The following CERS3 variants were observed in gnomAD, a reference collection of about 807,000 sequenced individuals.
CERS3 encodes the protein ceramide synthase 3.
Under a neutral mutation model 50.3 loss-of-function variants are expected in CERS3, and 33 were observed. The observed-to-expected ratio is 0.66, with a 90% CI of 0.50 to 0.88. The LOEUF (loss-of-function observed/expected upper bound fraction) is 0.88. Ranked by LOEUF, CERS3 falls within the 40% of genes least tolerant of loss-of-function variation. The pLI is 0.00. For missense variants in CERS3, 470 were observed against 460.3 expected (o/e 1.02, Z -0.19); for synonymous variants, 176 against 155.2 (o/e 1.13, Z -0.99).
chr15:100,502,736 C>A (rs1596774424), intron 2 of CERS3, among the ~76,000 whole-genome samples: 1 of 152,168 alleles, frequency 6.6e-6, no homozygotes, highest in East Asian at 1.9e-4. Flanking sequence ...AGGCTTCCTG[C>A]CTTGAGGACA....
intron 2 of CERS3, among the ~76,000 whole-genome samples, chr15:100,509,312 A>T (rs920859807): frequency 3.3e-5 from 5 of 152,250 alleles, no homozygotes; most frequent in African/African-American, 7.2e-5. Context: ...ATTAAAAAAT[A>T]TGACAGTCTA....
At chr15:100,466,815 C>CTTT (rs1195559063) in intron 10 of CERS3, among the ~76,000 whole-genome samples, 1 of 44,026 alleles carries the variant, frequency 2.3e-5, no homozygotes, top group Non-Finnish European at 4.5e-5. Context: ...CTCCCTCCCT[C>CTTT]CCTCTCTCCC....
chr15:100,490,952 A>G, intron 3 of CERS3, 21 bp from the exon 4 acceptor site: 3 of 1,400,228 alleles, frequency 2.1e-6, no homozygotes, highest in Non-Finnish European at 3.0e-6. Flanking sequence ...ATGAAAAGAA[A>G]AAAAGTTCAA....
chr15:100,436,122 G>C (rs1453221725), intron 11 of CERS3, among the ~76,000 whole-genome samples: 2 of 152,118 alleles, frequency 1.3e-5, no homozygotes, highest in African/African-American at 2.4e-5. Context: ...CCATTACTGG[G>C]TATATACCCA....
Position 100,479,466 on chromosome 15 carries a change from A to G in CERS3, c.478T>C (p.Tyr160His). The G allele has an allele frequency of 6.2e-7, 1 of 1,603,402 alleles. No individual in the cohort carries two copies. Among genetic ancestry groups the G allele is most frequent in the African/African-American group, 1.3e-5 (1 of 74,096 alleles). Residue 160 changes from tyrosine (Y) to histidine (H), a missense_variant, in exon 7 of 12, where the codon TAT becomes CAT. Transcript: ENST00000679737. ...CCATTCCAAACCTCCCATAAGTCAT[A>G]TAGCCAAGGTTTCTGAAAGAAGAAA... ...IAFLYDKPWL[Y>H]DLWEVWNGYP...
chr15:100,515,789 G>T (rs1006210702), intron 2 of CERS3, among the ~76,000 whole-genome samples: 2 of 152,188 alleles, frequency 1.3e-5, no homozygotes, highest in African/African-American at 4.8e-5. Flanking sequence ...AATGTAAGCT[G>T]GTGGCTGGGT....
At chr15:100,538,104 A>G (rs529862380) in intron 1 of CERS3, among the ~76,000 whole-genome samples, 214 of 152,352 alleles carry the variant, frequency 1.4e-3, no homozygotes, top group African/African-American at 4.4e-3. Context: ...TCTCACATCC[A>G]GGTCACACTG....
In CERS3 at chr15:100,434,054, A is replaced by C. The variant is rs561345745; in HGVS notation, c.999+21839T>G. Among the ~76,000 whole-genome samples the C allele has an allele frequency of 1.8e-4, 27 of 152,342 alleles. No individual in the cohort carries two copies. The East Asian group carries it at 4.0e-3, about 23-fold the overall frequency. Reference sequence around the variant, plus strand: ...CAGGCCTCTGTGGAGAGCTATGAGGAGTGGATCTGGGTTTCCAACCCATCT... The same window carrying C: ...CAGGCCTCTGTGGAGAGCTATGAGGCGTGGATCTGGGTTTCCAACCCATCT... On this transcript the variant is annotated intron_variant, in intron 11 of 11. Transcript: ENST00000679737.
chr15:100,544,286 T>C (rs2037282046), intron 1 of CERS3: 1 of 151,752 alleles, frequency 6.6e-6, no homozygotes. Context: ...ACACGGGGGC[T>C]GCCGCGAGCG....
At chr15:100,534,352 G>C (rs1005678550) in intron 1 of CERS3, among the ~76,000 whole-genome samples, 1 of 152,110 alleles carries the variant, frequency 6.6e-6, no homozygotes, top group Non-Finnish European at 1.5e-5. Flanking sequence ...AAATAATAGT[G>C]ATACTTACAG....
intron 2 of CERS3, among the ~76,000 whole-genome samples, chr15:100,509,054 AT>A (rs1383560959): frequency 8.5e-5 from 13 of 152,222 alleles, no homozygotes; most frequent in Admixed American, 8.5e-4. Context: ...TTTTTTGCTA[AT>A]ACTATGGAAT....
chr15:100,431,602 C>T (rs916219075), intron 11 of CERS3, among the ~76,000 whole-genome samples: 1 of 152,106 alleles, frequency 6.6e-6, no homozygotes. Flanking sequence ...AAAAAATAGA[C>T]CCAGTAAATG....
chr15:100,412,494 T>C lies in CERS3; in HGVS notation c.1000-9629A>G, dbSNP rs11852865. On this transcript the variant is annotated intron_variant, in intron 11 of 11. Coordinates refer to ENST00000679737, the MANE Select transcript of CERS3 (RefSeq NM_001378789.1). ...TTGGAAATCAGGAAGTTTGAGTACT[T>C]CAGCTTTGTTCTTTTTCAAATTTAT... is the stretch of plus-strand genomic sequence containing the variant. Among the ~76,000 whole-genome samples the C allele has an allele frequency of 9.6e-3, 1,461 of 152,314 alleles. 26 individuals are homozygous for C. Among genetic ancestry groups the C allele is most frequent in the African/African-American group, 0.033 (1,370 of 41,572 alleles).
chr15:100,444,357 G>A lies in CERS3; in HGVS notation c.999+11536C>T, dbSNP rs565273220. ...TTGTTCCTGGCCCGGACTTCAATCCGGCCTCCCACATTATTCCGGATACAC... is the reference window on the plus strand; with the variant it reads ...TTGTTCCTGGCCCGGACTTCAATCCAGCCTCCCACATTATTCCGGATACAC... On this transcript the variant is annotated intron_variant, in intron 11 of 11. Transcript: ENST00000679737. 7.0e-5 allele frequency among the ~76,000 whole-genome samples: 7 copies of A among 100,252 alleles called. No individual in the cohort carries two copies. The South Asian group carries it at 2.5e-3, about 36-fold the overall frequency. 65.8% of individuals were successfully genotyped at this position (100,252 alleles called of 152,430 possible). A position where few individuals can be genotyped will look rare whatever the true frequency, so the allele number is the denominator to read the frequency against.
intron 2 of CERS3, among the ~76,000 whole-genome samples, chr15:100,519,948 C>G (rs1225384635): frequency 6.6e-6 from 1 of 152,168 alleles, no homozygotes. Flanking sequence ...CCCCTTTGGC[C>G]CTCCTCTGGC....
At chr15:100,429,613 G>T (rs1231254028) in intron 11 of CERS3, among the ~76,000 whole-genome samples, 1 of 152,136 alleles carries the variant, frequency 6.6e-6, no homozygotes, top group Non-Finnish European at 1.5e-5. Flanking sequence ...CCAGGCAAAA[G>T]AAGTCTGTGT....
intron 8 of CERS3, 123 bp from the exon 9 acceptor site, chr15:100,473,175 A>G: frequency 1.9e-6 from 2 of 1,045,330 alleles, no homozygotes; most frequent in Non-Finnish European, 2.7e-6. Flanking sequence ...AATTTATAAA[A>G]TGCTTTTACT....
chr15:100,496,142 G>A (rs1008563298), intron 3 of CERS3, among the ~76,000 whole-genome samples: 1 of 152,136 alleles, frequency 6.6e-6, no homozygotes, highest in Admixed American at 6.5e-5. Flanking sequence ...CTATTGTAGG[G>A]ATATACACTA....
chr15:100,488,754 G>T (rs1331576954), intron 4 of CERS3, among the ~76,000 whole-genome samples: 2 of 150,662 alleles, frequency 1.3e-5, no homozygotes, highest in African/African-American at 4.9e-5. Flanking sequence ...AATAGATGAA[G>T]CTAACACTTC....
Sources: gnomAD v4.1 joint callset for allele counts (sites outside exome capture counted in the v4.1 genomes callset) on GRCh38, gnomAD v4.1.1 for gene constraint, MANE v1.5 for transcripts, NCBI Gene and HGNC (gene_info 2026-07-23, HGNC 2026-07-21) for gene names.